DSC3: variants seen among roughly 807,000 people sequenced by gnomAD.
DSC3 encodes the protein desmocollin-3.
DSC3 carries 97 observed loss-of-function variants against 89.5 expected under a neutral mutation model. The observed-to-expected ratio is 1.08, with a 90% CI of 0.92 to 1.28. DSC3 has a LOEUF of 1.28. Ranked by LOEUF, DSC3 falls within the 50% of genes most tolerant of loss-of-function variation. DSC3 has a pLI of 0.00. For missense variants in DSC3, 1,199 were observed against 1,085.3 expected, an observed-to-expected ratio of 1.10 and a Z score of -1.47; for synonymous variants, 436 against 384.1, an observed-to-expected ratio of 1.14 and a Z score of -1.58.
intron 1 of DSC3, among the ~76,000 whole-genome samples, chr18:31,037,911 G>A (rs1412182073): frequency 6.7e-6 from 1 of 149,744 alleles, no homozygotes; most frequent in Non-Finnish European, 1.5e-5. Flanking sequence ...AAAAAAAAAA[G>A]TTCATTCTCT....
chr18:31,034,430 G>C (rs1385080020), intron 1 of DSC3, among the ~76,000 whole-genome samples: 1 of 152,142 alleles, frequency 6.6e-6, no homozygotes, highest in South Asian at 2.1e-4. Flanking sequence ...CACTTTGCTG[G>C]AGGAAATGTA....
Position 30,994,303 on chromosome 18 carries a change from C to A in DSC3, c.2563G>T (p.Glu855Ter). Residue 855 changes from glutamate to a stop codon, truncating the protein, a stop_gained, in exon 16 of 16, where the codon GAG becomes TAG. Transcript: ENST00000360428. LOFTEE classifies it high-confidence loss of function. ...SQDYVLTYNYEGRGSPAGSVG... is the reference protein window; with the variant it reads ...SQDYVLTYNY ...GAACCAGCTGGAGATCCTCTTCCCT[C>A]ATAGTTATAAGTGAGGACATAATCT... The A allele has an allele frequency of 6.2e-7, 1 of 1,614,076 alleles. No homozygotes were observed. The highest frequency in any genetic ancestry group is 1.3e-5 in the African/African-American group (1 of 75,042).
chr18:31,020,544 T>C (rs1314249856), intron 7 of DSC3, among the ~76,000 whole-genome samples: 5 of 152,202 alleles, frequency 3.3e-5, no homozygotes, highest in Admixed American at 2.6e-4. Flanking sequence ...TTTATTTTAC[T>C]GTTCGTTAGT....
In DSC3 at chr18:30,992,154, A is replaced by C. The variant is rs190116265; in HGVS notation, c.*2021T>G. 203 of 103,204 alleles carry C rather than the reference A, an allele frequency of 2.0e-3. 1 individual carries two copies. Among genetic ancestry groups the C allele is most frequent in the African/African-American group, 7.3e-3 (190 of 26,154 alleles). 6.4% of individuals were successfully genotyped at this position (103,204 alleles called of 1,614,324 possible). On this transcript the variant is annotated 3_prime_UTR_variant, in exon 16 of 16. Transcript: ENST00000360428. ...GCACTCCAGCCTGTGCGTCAGAGCGAGACTCCGTCTCAAAAAAAAAAGGGG... is the reference window on the plus strand; with the variant it reads ...GCACTCCAGCCTGTGCGTCAGAGCGCGACTCCGTCTCAAAAAAAAAAGGGG...
chr18:31,019,670 G>A (rs1242646735), intron 7 of DSC3, among the ~76,000 whole-genome samples: 8 of 152,094 alleles, frequency 5.3e-5, no homozygotes, highest in Admixed American at 6.5e-5. Context: ...GTATGTGTCC[G>A]TACTCCCAAG....
chr18:31,015,833 G>A (rs971312180), intron 9 of DSC3, among the ~76,000 whole-genome samples: 17 of 152,242 alleles, frequency 1.1e-4, no homozygotes, highest in Admixed American at 7.2e-4. Context: ...AGGCTTGGTG[G>A]GGGTGAGGTA....
intron 13 of DSC3, among the ~76,000 whole-genome samples, 164 bp downstream of exon 13, chr18:31,003,978 C>T (rs575952719): frequency 2.2e-4 from 33 of 152,234 alleles, no homozygotes; most frequent in Non-Finnish European, 3.7e-4. Context: ...ATCATGTTCC[C>T]GTCACAGAAA....
At chr18:30,997,370 A>T (rs1984513282) in intron 14 of DSC3, among the ~76,000 whole-genome samples, 1 of 152,192 alleles carries the variant, frequency 6.6e-6, no homozygotes, top group Non-Finnish European at 1.5e-5. Flanking sequence ...AGGGCAAAAG[A>T]GCACGAGTGA....
chr18:31,021,049 ATTCACTG>A (rs770655250), intron 7 of DSC3, among the ~76,000 whole-genome samples: 30 of 148,620 alleles, frequency 2.0e-4, no homozygotes, highest in Non-Finnish European at 3.7e-4. Context: ...CTTCCTCTAA[ATTCACTG>A]TTTTTTTTTT....
At chr18:31,000,638 TTA>T (rs1567949314) in intron 14 of DSC3, among the ~76,000 whole-genome samples, 1 of 152,218 alleles carries the variant, frequency 6.6e-6, no homozygotes. Flanking sequence ...ATCAATTTAT[TTA>T]TTATTTGCTA....
At chr18:31,018,552 A>G in intron 8 of DSC3, 114 bp downstream of exon 8, 1 of 1,190,286 alleles carries the variant, frequency 8.4e-7, no homozygotes, top group Non-Finnish European at 1.2e-6. Context: ...TTTATTCATA[A>G]AATACGTATA....
chr18:31,027,876 T>A (rs982080169), intron 4 of DSC3, among the ~76,000 whole-genome samples: 2 of 152,156 alleles, frequency 1.3e-5, no homozygotes, highest in Admixed American at 6.5e-5. Flanking sequence ...GAGAGAACTA[T>A]GTTTTCTGCA....
At chr18:31,036,218 T>C (rs1404147135) in intron 1 of DSC3, among the ~76,000 whole-genome samples, 1 of 152,202 alleles carries the variant, frequency 6.6e-6, no homozygotes, top group African/African-American at 2.4e-5. Flanking sequence ...CTATTTCCCA[T>C]ATCCTCCCTT....
intron 15 of DSC3, 21 bp from the exon 16 acceptor site, chr18:30,994,393 T>G: frequency 1.2e-6 from 2 of 1,609,822 alleles, no homozygotes; most frequent in South Asian, 1.1e-5. Flanking sequence ...TTTTAAAAAA[T>G]GAATTGCATT....
intron 1 of DSC3, 121 bp from the exon 2 acceptor site, chr18:31,032,397 G>T: frequency 1.3e-6 from 1 of 750,438 alleles, no homozygotes. Flanking sequence ...ATAAACCCCA[G>T]CAAACTAGGA....
intron 4 of DSC3, among the ~76,000 whole-genome samples, chr18:31,026,744 A>G (rs1330662720): frequency 6.6e-6 from 1 of 152,120 alleles, no homozygotes; most frequent in Non-Finnish European, 1.5e-5. Flanking sequence ...AGTGATCACA[A>G]GGTTGTCCAG....
At chr18:31,009,153 C>A (rs1023450786) in intron 9 of DSC3, among the ~76,000 whole-genome samples, 1 of 152,100 alleles carries the variant, frequency 6.6e-6, no homozygotes, top group African/African-American at 2.4e-5. Flanking sequence ...TTGGTTCAAG[C>A]GATTCTCCTG....
At chr18:31,033,938 C>T (rs1985886318) in intron 1 of DSC3, among the ~76,000 whole-genome samples, 2 of 152,164 alleles carry the variant, frequency 1.3e-5, no homozygotes, top group South Asian at 4.1e-4. Context: ...ATTCTCCTGC[C>T]TCAGCCTCCG....
At position 30,996,846 on chromosome 18, in the gene DSC3, T is replaced by C; in HGVS notation, c.2438A>G (p.Asn813Ser). The C allele has an allele frequency of 2.5e-6, 4 of 1,613,780 alleles. No homozygotes were observed. The South Asian group carries it at 4.4e-5, about 18-fold the overall frequency. ...CCACTCCGAGTAAGTGTATCTGCAGTTGTCCACCTCCGTGTGTCCTCCCCT... is the reference window on the plus strand; with the variant it reads ...CCACTCCGAGTAAGTGTATCTGCAGCTGTCCACCTCCGTGTGTCCTCCCCT... The part of the protein sequence containing the change: ...SCRGGHTEVD[N>S]CRYTYSEWHS... Residue 813 changes from asparagine to serine, a missense_variant, in exon 15 of 16, where the codon AAC becomes AGC. By Grantham distance (46) the Asn-to-Ser change is conservative (BLOSUM62 1). Coordinates refer to ENST00000360428, the MANE Select transcript of DSC3 (RefSeq NM_001941.5).
Sources: allele counts gnomAD v4.1 joint callset (sites outside exome capture counted in the v4.1 genomes callset), GRCh38; gene constraint gnomAD v4.1.1; transcripts MANE v1.5; gene names NCBI Gene and HGNC (gene_info 2026-07-23, HGNC 2026-07-21).